The following XKR4 variants were observed in gnomAD, a reference collection of about 807,000 sequenced individuals.
The protein encoded by XKR4 is XK related 4.
XKR4 carries 12 observed loss-of-function variants against 53.9 expected under a neutral mutation model. The observed-to-expected ratio is 0.22, with a 90% CI of 0.14 to 0.36. The LOEUF is 0.36. Ranked by LOEUF, XKR4 falls within the 10% of genes least tolerant of loss-of-function variation. XKR4 has a pLI of 1.00. For synonymous variants in XKR4, 354 were observed against 362.4 expected (o/e 0.98, Z 0.26); for missense variants, 799 against 859.5 (o/e 0.93, Z 0.88).
intron 1 of XKR4, among the ~76,000 whole-genome samples, chr8:55,203,194 G>T (rs371281176): frequency 1.7e-4 from 24 of 143,558 alleles, no homozygotes; most frequent in African/African-American, 6.3e-4. Flanking sequence ...GCACTGGCCC[G>T]CCAAGCACGG....
chr8:55,200,087 C>G (rs757821942), intron 1 of XKR4, among the ~76,000 whole-genome samples: 2 of 152,068 alleles, frequency 1.3e-5, no homozygotes, highest in South Asian at 4.2e-4. Context: ...TTTTTTGAGA[C>G]GGAGTCTGGT....
intron 1 of XKR4, among the ~76,000 whole-genome samples, chr8:55,301,523 G>A (rs1819197660): frequency 6.6e-6 from 1 of 152,102 alleles, no homozygotes; most frequent in Non-Finnish European, 1.5e-5. Flanking sequence ...TAATGAGATG[G>A]CTGGGTCAAA....
At chr8:55,522,424 AG>A (rs973268274) in intron 2 of XKR4, among the ~76,000 whole-genome samples, 2 of 152,268 alleles carry the variant, frequency 1.3e-5, no homozygotes, top group Non-Finnish European at 2.9e-5. Flanking sequence ...AGATTGCACT[AG>A]GACAAACTGT....
At chr8:55,204,000 T>A (rs1318523977) in intron 1 of XKR4, among the ~76,000 whole-genome samples, 2 of 152,098 alleles carry the variant, frequency 1.3e-5, no homozygotes, top group Non-Finnish European at 2.9e-5. Context: ...GGTGTTTGTT[T>A]TGCTTTTTGT....
At chr8:55,412,640 A>G (rs1804792209) in intron 2 of XKR4, among the ~76,000 whole-genome samples, 1 of 152,230 alleles carries the variant, frequency 6.6e-6, no homozygotes, top group Non-Finnish European at 1.5e-5. Flanking sequence ...GATATGTAAA[A>G]CAATGGAAAC....
At chr8:55,246,029 G>A (rs1452930388) in intron 1 of XKR4, among the ~76,000 whole-genome samples, 1 of 152,214 alleles carries the variant, frequency 6.6e-6, no homozygotes, top group Non-Finnish European at 1.5e-5. Flanking sequence ...TTGAACCCAG[G>A]AGGCAGAGAT....
chr8:55,459,339 T>C lies in XKR4; in HGVS notation c.1007-63942T>C, dbSNP rs553751030. Reference sequence around the variant, plus strand: ...AACTATAAAACTTTAGAATAAAACATAGAAGAAAATCTTTCTGGCCTTAAT... The same window carrying C: ...AACTATAAAACTTTAGAATAAAACACAGAAGAAAATCTTTCTGGCCTTAAT... On this transcript the variant is annotated intron_variant, in intron 2 of 2. Coordinates refer to ENST00000327381, the MANE Select transcript of XKR4 (RefSeq NM_052898.2). Among the ~76,000 whole-genome samples the C allele has an allele frequency of 3.9e-5, 6 of 152,248 alleles. No individual in the cohort carries two copies. The South Asian group carries it at 1.2e-3, about 32-fold the overall frequency.
chr8:55,280,510 C>A (rs1249497839), intron 1 of XKR4, among the ~76,000 whole-genome samples: 1 of 152,170 alleles, frequency 6.6e-6, no homozygotes, highest in East Asian at 1.9e-4. Context: ...GTGCATCTAT[C>A]CCCCTCATCT....
intron 2 of XKR4, among the ~76,000 whole-genome samples, chr8:55,375,170 G>A (rs1804129461): frequency 6.6e-6 from 1 of 152,224 alleles, no homozygotes; most frequent in South Asian, 2.1e-4. Flanking sequence ...ACGACACTGA[G>A]CCTTGGCTTT....
rs186885790 is a variant in XKR4 at position 55,337,435 on chromosome 8, A to T, written c.807-20243A>T. Among the ~76,000 whole-genome samples the T allele has an allele frequency of 2.5e-3, 375 of 152,316 alleles. 1 individual carries two copies. The highest frequency in any genetic ancestry group is 4.1e-3 in the Non-Finnish European group (277 of 68,030). On this transcript the variant is annotated intron_variant, in intron 1 of 2. Transcript: ENST00000327381. The stretch of plus-strand genomic sequence containing the variant: ...TTATGATATTTTATGAATCAGGGCC[A>T]TGTTTCTCAACTAGTAATTGCAGTC...
chr8:55,452,673 G>T, intron 2 of XKR4: 2 of 1,428,522 alleles, frequency 1.4e-6, no homozygotes, highest in Non-Finnish European at 2.0e-6. Flanking sequence ...CCCACTCTCT[G>T]TGCAGACCTT....
intron 1 of XKR4, among the ~76,000 whole-genome samples, chr8:55,139,614 G>A (rs988715632): frequency 3.3e-5 from 5 of 151,516 alleles, no homozygotes; most frequent in African/African-American, 1.2e-4. Context: ...CATCAATGCC[G>A]TATTCAGAAT....
At chr8:55,503,658 T>G (rs1806478514) in intron 2 of XKR4, among the ~76,000 whole-genome samples, 2 of 152,210 alleles carry the variant, frequency 1.3e-5, no homozygotes, top group South Asian at 4.1e-4. Context: ...AGAGATAATT[T>G]TAATTCTTCT....
chr8:55,276,617 C>T (rs921439595), intron 1 of XKR4, among the ~76,000 whole-genome samples: 1 of 152,158 alleles, frequency 6.6e-6, no homozygotes, highest in African/African-American at 2.4e-5. Flanking sequence ...TTCCTTAGAA[C>T]CCCACAATTT....
chr8:55,364,634 G>A (rs775968523), intron 2 of XKR4, among the ~76,000 whole-genome samples: 1 of 151,440 alleles, frequency 6.6e-6, no homozygotes, highest in African/African-American at 2.4e-5. Flanking sequence ...GTTTTGTTGG[G>A]GTTTTTTTTG....
chr8:55,213,664 G>T (rs913512602), intron 1 of XKR4, among the ~76,000 whole-genome samples: 2 of 152,054 alleles, frequency 1.3e-5, no homozygotes, highest in Non-Finnish European at 2.9e-5. Flanking sequence ...AAAATTAAAC[G>T]ATAAACTAAG....
chr8:55,358,489 G>T (rs1803853359), intron 2 of XKR4, among the ~76,000 whole-genome samples: 1 of 152,130 alleles, frequency 6.6e-6, no homozygotes, highest in African/African-American at 2.4e-5. Flanking sequence ...TAATATCTTT[G>T]TGCTTTCTCA....
chr8:55,237,513 A>T (rs532854285), intron 1 of XKR4, among the ~76,000 whole-genome samples: 1 of 152,320 alleles, frequency 6.6e-6, no homozygotes, highest in East Asian at 1.9e-4. Context: ...TCATTATCTT[A>T]TCTTGAGAAG....
At chr8:55,459,804 T>C (rs570494433) in intron 2 of XKR4, among the ~76,000 whole-genome samples, 65 of 152,262 alleles carry the variant, frequency 4.3e-4, no homozygotes, top group African/African-American at 1.4e-3. Context: ...AAACTAGAAC[T>C]CTTAGCCATT....
Sources: allele counts gnomAD v4.1 joint callset (sites outside exome capture counted in the v4.1 genomes callset), GRCh38; gene constraint gnomAD v4.1.1; transcripts MANE v1.5; gene names NCBI Gene and HGNC (gene_info 2026-07-23, HGNC 2026-07-21).